Variants in LCLAT1 observed in about 807,000 individuals in gnomAD.
The protein encoded by LCLAT1 is lysocardiolipin acyltransferase 1, also known as 1-AGP acyltransferase 8.
A neutral mutation model predicts 30.7 loss-of-function variants in LCLAT1; 11 were observed. That is an observed-to-expected ratio of 0.36 (90% CI 0.23 to 0.59). The LOEUF (loss-of-function observed/expected upper bound fraction) is 0.59, where lower values mean the gene tolerates loss of function less well. Among genes scored for constraint, LCLAT1 ranks in the 20% least tolerant of loss-of-function variants. The pLI is 0.77. For synonymous variants in LCLAT1, 155 were observed against 151.3 expected (o/e 1.02, Z -0.18); for missense variants, 402 against 458.6 (o/e 0.88, Z 1.13).
intron 1 of LCLAT1, among the ~76,000 whole-genome samples, chr2:30,525,231 C>T (rs188215904): frequency 1.3e-4 from 20 of 152,166 alleles, no homozygotes; most frequent in African/African-American, 3.1e-4. Flanking sequence ...GGCACACTAC[C>T]GCAGCTGGCT....
intron 1 of LCLAT1, among the ~76,000 whole-genome samples, chr2:30,501,076 C>CTGTGTGTGTGTATGTG (rs1460579223): frequency 2.0e-5 from 3 of 146,496 alleles, no homozygotes; most frequent in Admixed American, 6.8e-5. Context: ...TTGTTTTGTT[C>CTGTGTGTGTGTATGTG]TGTGTGTGTG....
intron 5 of LCLAT1, among the ~76,000 whole-genome samples, chr2:30,600,827 C>T (rs1667146541): frequency 6.6e-6 from 1 of 152,070 alleles, no homozygotes; most frequent in Admixed American, 6.6e-5. Context: ...TGAATGTTGG[C>T]CCGTCTTCCT....
chr2:30,454,409 A>G (rs829584), intron 1 of LCLAT1, among the ~76,000 whole-genome samples: 33,721 of 152,054 alleles, frequency 0.22, 3,822 homozygotes, highest in East Asian at 0.34. Context: ...ATACTTCTTA[A>G]TGAGAGTAAC....
In LCLAT1 at chr2:30,518,604, G is replaced by A. The variant is rs565936554; in HGVS notation, c.-4-6983G>A. The stretch of plus-strand genomic sequence containing the variant: ...AATTTTAGGAGTGCAGAAGCCCAAC[G>A]GACAGTGGAGGTTAGTGCAAGATCT... On this transcript the variant is annotated intron_variant, in intron 1 of 5. Coordinates refer to ENST00000379509, the MANE Select transcript of LCLAT1 (RefSeq NM_001002257.3). 1.8e-4 allele frequency among the ~76,000 whole-genome samples: 27 copies of A among 152,282 alleles called. No homozygotes were observed. The East Asian group carries it at 2.3e-3, about 13-fold the overall frequency.
chr2:30,479,118 A>G (rs1033511585), intron 1 of LCLAT1, among the ~76,000 whole-genome samples: 1 of 152,252 alleles, frequency 6.6e-6, no homozygotes, highest in Non-Finnish European at 1.5e-5. Flanking sequence ...CCGTACAGCA[A>G]TGAGCAAGAA....
intron 1 of LCLAT1, among the ~76,000 whole-genome samples, chr2:30,468,473 C>A (rs998408125): frequency 4.6e-5 from 7 of 151,728 alleles, no homozygotes; most frequent in African/African-American, 9.7e-5. Flanking sequence ...TTGTAAATGA[C>A]CTCCACTGTG....
intron 2 of LCLAT1, among the ~76,000 whole-genome samples, chr2:30,530,693 G>A (rs941387848): frequency 6.6e-6 from 1 of 152,132 alleles, no homozygotes. Context: ...CTCTGGGCAT[G>A]TTCCACAATG....
chr2:30,462,925 C>G (rs1325430014), intron 1 of LCLAT1, among the ~76,000 whole-genome samples: 1 of 152,038 alleles, frequency 6.6e-6, no homozygotes, highest in Non-Finnish European at 1.5e-5. Flanking sequence ...AAAAAGTCTT[C>G]TTTGTACATG....
At chr2:30,620,134 C>G (rs1278588085) in intron 5 of LCLAT1, among the ~76,000 whole-genome samples, 1 of 152,088 alleles carries the variant, frequency 6.6e-6, no homozygotes, top group African/African-American at 2.4e-5. Flanking sequence ...AGCAAAAAAA[C>G]CTAGGGTTTT....
chr2:30,566,709 C>T (rs1440668323), intron 4 of LCLAT1, among the ~76,000 whole-genome samples: 1 of 152,168 alleles, frequency 6.6e-6, no homozygotes, highest in Admixed American at 6.6e-5. Context: ...CTGCTGTCAT[C>T]AGAAAGTATT....
rs1389119335 is a variant in LCLAT1 at position 30,484,382 on chromosome 2, AGGGCTCTTTTG to A, written c.-5+37001_-5+37011del. Among the ~76,000 whole-genome samples, 17 of 152,290 alleles carry A rather than the reference AGGGCTCTTTTG, an allele frequency of 1.1e-4. 1 individual carries two copies. In the East Asian group the frequency reaches 3.1e-3, roughly 28 times the overall value. ...CCAAATCAGTCATTTTGAAAGCCAC[AGGGCTCTTTTG>A]GAAATAATTCTGGTATTATTATTAT... On this transcript the variant is annotated intron_variant, in intron 1 of 5. Coordinates refer to ENST00000379509, the MANE Select transcript of LCLAT1 (RefSeq NM_001002257.3).
At chr2:30,529,046 T>G (rs558721955) in intron 2 of LCLAT1, among the ~76,000 whole-genome samples, 2 of 152,188 alleles carry the variant, frequency 1.3e-5, no homozygotes, top group Non-Finnish European at 2.9e-5. Context: ...TCTTTTTAAA[T>G]TCAGAGTGAA....
chr2:30,574,537 A>G (rs751130087), intron 5 of LCLAT1, among the ~76,000 whole-genome samples: 1 of 152,200 alleles, frequency 6.6e-6, no homozygotes, highest in Non-Finnish European at 1.5e-5. Flanking sequence ...ATGGTTGTCC[A>G]TGTTGGCTAA....
intron 1 of LCLAT1, among the ~76,000 whole-genome samples, chr2:30,467,683 G>T (rs912899127): frequency 2.6e-5 from 4 of 152,200 alleles, no homozygotes; most frequent in African/African-American, 9.7e-5. Context: ...TTTCCCTGAT[G>T]GCCAGTGATG....
chr2:30,486,709 T>G (rs992924292), intron 1 of LCLAT1, among the ~76,000 whole-genome samples: 3 of 152,122 alleles, frequency 2.0e-5, no homozygotes, highest in Admixed American at 6.5e-5. Context: ...GGAATGTGAG[T>G]GGAAAATGAT....
chr2:30,512,270 C>G (rs943030170), intron 1 of LCLAT1, among the ~76,000 whole-genome samples: 1 of 151,988 alleles, frequency 6.6e-6, no homozygotes, highest in African/African-American at 2.4e-5. Context: ...AAAAAATTAA[C>G]CACTGTATAA....
chr2:30,496,793 C>A (rs1684141784), intron 1 of LCLAT1, among the ~76,000 whole-genome samples: 1 of 152,184 alleles, frequency 6.6e-6, no homozygotes, highest in South Asian at 2.1e-4. Flanking sequence ...CACGTACCTG[C>A]CCAGGGATGC....
At chr2:30,488,852 A>T (rs1282832720) in intron 1 of LCLAT1, among the ~76,000 whole-genome samples, 1 of 152,236 alleles carries the variant, frequency 6.6e-6, no homozygotes, top group Non-Finnish European at 1.5e-5. Flanking sequence ...ATATTTCCAT[A>T]AGGAATTAAC....
intron 5 of LCLAT1, among the ~76,000 whole-genome samples, chr2:30,630,380 A>G (rs1365894080): frequency 6.6e-6 from 1 of 152,250 alleles, no homozygotes; most frequent in Non-Finnish European, 1.5e-5. Context: ...TTTTATGTGA[A>G]TAAGTATCAC....
Sources: gnomAD v4.1 joint callset for allele counts (sites outside exome capture counted in the v4.1 genomes callset) on GRCh38, gnomAD v4.1.1 for gene constraint, MANE v1.5 for transcripts, NCBI Gene and HGNC (gene_info 2026-07-23, HGNC 2026-07-21) for gene names.